Variants in KCNN3 observed in about 807,000 individuals in gnomAD.
KCNN3 encodes the protein small conductance calcium-activated potassium channel protein 3.
Under a neutral mutation model 62.9 loss-of-function variants are expected in KCNN3, and 16 were observed. The ratio of observed to expected loss-of-function variants is 0.25; its 90% CI spans 0.17 to 0.39. The LOEUF (loss-of-function observed/expected upper bound fraction) is 0.39. KCNN3 is among the 10% of genes least tolerant of loss of function. The pLI, the probability that KCNN3 is intolerant of heterozygous loss-of-function variation, is 1.00. For missense variants in KCNN3, 599 were observed against 949.4 expected (o/e 0.63, Z 4.85); for synonymous variants, 370 against 389.2 (o/e 0.95, Z 0.58).
At chr1:154,818,866 C>A (rs904078437) in intron 2 of KCNN3, among the ~76,000 whole-genome samples, 2 of 152,244 alleles carry the variant, frequency 1.3e-5, no homozygotes, top group African/African-American at 2.4e-5. Context: ...CTAAAAGGTA[C>A]TCCCCCAGCC....
At chr1:154,755,906 GAGA>G (rs1477021981) in intron 3 of KCNN3, among the ~76,000 whole-genome samples, 4 of 109,108 alleles carry the variant, frequency 3.7e-5, no homozygotes, top group South Asian at 3.1e-4. Flanking sequence ...GAAGAAGGAG[GAGA>G]AGAAGAAGAG....
At chr1:154,840,471 G>T (rs986747224) in intron 1 of KCNN3, among the ~76,000 whole-genome samples, 1 of 152,146 alleles carries the variant, frequency 6.6e-6, no homozygotes, top group African/African-American at 2.4e-5. Context: ...TCCTGCGAAG[G>T]CTTCCGTGTC....
chr1:154,797,754 T>C (rs996009659), intron 2 of KCNN3, among the ~76,000 whole-genome samples: 1 of 152,222 alleles, frequency 6.6e-6, no homozygotes, highest in Non-Finnish European at 1.5e-5. Flanking sequence ...ATATAGCAGA[T>C]GCTGGAGGAA....
intron 1 of KCNN3, among the ~76,000 whole-genome samples, chr1:154,830,811 A>G (rs1452382363): frequency 6.6e-6 from 1 of 152,176 alleles, no homozygotes; most frequent in Admixed American, 6.5e-5. Flanking sequence ...GATCCTCCCC[A>G]GGCCCTGGCT....
chr1:154,773,718 A>C (rs959530405), intron 2 of KCNN3, among the ~76,000 whole-genome samples: 1 of 152,242 alleles, frequency 6.6e-6, no homozygotes, highest in Non-Finnish European at 1.5e-5. Context: ...TCCAGCACAC[A>C]GGTGCCAAAT....
At chr1:154,797,247 G>A (rs1484893177) in intron 2 of KCNN3, among the ~76,000 whole-genome samples, 2 of 152,148 alleles carry the variant, frequency 1.3e-5, no homozygotes, top group African/African-American at 4.8e-5. Context: ...GTAGTAGGTT[G>A]TCCTAATTTC....
chr1:154,799,136 C>T (rs1287807638), intron 2 of KCNN3, among the ~76,000 whole-genome samples: 4 of 152,070 alleles, frequency 2.6e-5, no homozygotes, highest in Admixed American at 6.6e-5. Flanking sequence ...AGGCTGGTCT[C>T]GAACTCCTGA....
At chr1:154,785,674 C>G (rs1649252225) in intron 2 of KCNN3, among the ~76,000 whole-genome samples, 1 of 147,124 alleles carries the variant, frequency 6.8e-6, no homozygotes, top group Non-Finnish European at 1.5e-5. Flanking sequence ...CCTCTGCCTC[C>G]TGGGTTCAAG....
At chr1:154,816,251 T>C (rs969426012) in intron 2 of KCNN3, among the ~76,000 whole-genome samples, 1 of 152,236 alleles carries the variant, frequency 6.6e-6, no homozygotes, top group Non-Finnish European at 1.5e-5. Context: ...ACGCTAGATC[T>C]TGAGGGGATT....
At chr1:154,800,406 T>A (rs1649905031) in intron 2 of KCNN3, among the ~76,000 whole-genome samples, 1 of 152,202 alleles carries the variant, frequency 6.6e-6, no homozygotes, top group Non-Finnish European at 1.5e-5. Flanking sequence ...CACAGAGCTG[T>A]TGCTCTACCA....
intron 2 of KCNN3, among the ~76,000 whole-genome samples, chr1:154,810,309 T>C (rs1045385223): frequency 3.9e-5 from 6 of 151,928 alleles, no homozygotes; most frequent in Non-Finnish European, 5.9e-5. Context: ...TAGAGGCAGG[T>C]CTGATCCTGA....
In KCNN3 at chr1:154,703,767, T is replaced by C. The variant is rs1699913007; in HGVS notation, c.*4209A>G. ...TATTTAATGTGCACTAATTACTTTT[T>C]GGTAACTACTGACTGCATTCAAACG... is the stretch of plus-strand genomic sequence containing the variant. On this transcript the variant is annotated 3_prime_UTR_variant, in exon 8 of 8. Coordinates refer to ENST00000271915, the MANE Select transcript of KCNN3 (RefSeq NM_002249.6). 6.6e-6 allele frequency: 1 copy of C among 152,242 alleles called. No individual in the cohort carries two copies. Among genetic ancestry groups the C allele is most frequent in the Admixed American group, 6.5e-5 (1 of 15,294 alleles). 9.4% of individuals were successfully genotyped at this position (152,242 alleles called of 1,614,324 possible).
chr1:154,862,374 C>T lies in KCNN3; in HGVS notation c.933+6658G>A, dbSNP rs951850784. ...AAGATGCTGAGCTCATGTGACTGTC[C>T]CCCGATAAACAGCCACACAGCCAGT... On this transcript the variant is annotated intron_variant, in intron 1 of 7. Coordinates refer to ENST00000271915, the MANE Select transcript of KCNN3 (RefSeq NM_002249.6). This position sits in a 1 kb window ranked among gnomAD's most constrained non-coding sequence, Gnocchi z 4.1. 6.6e-6 allele frequency among the ~76,000 whole-genome samples: 1 copy of T among 152,064 alleles called. No homozygotes were observed. The highest frequency in any genetic ancestry group is 1.5e-5 in the Non-Finnish European group (1 of 68,006).
chr1:154,868,148 T>A (rs879899752), intron 1 of KCNN3: 5 of 985,402 alleles, frequency 5.1e-6, no homozygotes, highest in Admixed American at 6.1e-5. Flanking sequence ...GGGGCTGAGC[T>A]GGGGCGCGGG....
intron 2 of KCNN3, among the ~76,000 whole-genome samples, chr1:154,815,429 C>A (rs1205987219): frequency 6.6e-6 from 1 of 152,204 alleles, no homozygotes; most frequent in African/African-American, 2.4e-5. Context: ...CGCGTGAAAC[C>A]TGCCCAGCCT....
At chr1:154,866,798 G>C (rs1652972439) in intron 1 of KCNN3, among the ~76,000 whole-genome samples, 2 of 152,164 alleles carry the variant, frequency 1.3e-5, no homozygotes, top group African/African-American at 2.4e-5. Flanking sequence ...AGAAATGCGG[G>C]GAGCCAAGCA....
At chr1:154,813,471 C>T (rs531553891) in intron 2 of KCNN3, among the ~76,000 whole-genome samples, 10 of 151,980 alleles carry the variant, frequency 6.6e-5, no homozygotes, top group Non-Finnish European at 1.0e-4. Context: ...GGAGGCCAGG[C>T]GACGCACCGC....
In KCNN3 at chr1:154,708,019, G is replaced by C; in HGVS notation, c.2153C>G (p.Ser718Cys). The C allele has an allele frequency of 4.3e-6, 7 of 1,613,578 alleles. No homozygotes were observed. Among genetic ancestry groups the C allele is most frequent in the Non-Finnish European group, 5.9e-6 (7 of 1,179,714 alleles). ...TGTGTACGGGGTCGGGAAGGAGGTG[G>C]AGCTGACCCCAATGGGGCTATCGGA... is the stretch of plus-strand genomic sequence containing the variant. ...PISDSPIGVSSTSFPTPYTSS... is the reference protein window; with the variant it reads ...PISDSPIGVSCTSFPTPYTSS... Residue 718 changes from serine (S) to cysteine (C), a missense_variant, in exon 8 of 8, where the codon TCC becomes TGC. This residue lies in a region of KCNN3 where 52 missense variants were observed against 53.3 expected (regional missense o/e 0.98). Transcript: ENST00000271915.
rs761997310 is a variant in KCNN3, at chr1:154,870,036, C to T, written c.-72G>A. The T allele has an allele frequency of 1.1e-5, 17 of 1,530,164 alleles. No individual in the cohort carries two copies. The allele number at this position is 1,530,164 out of a possible 1,614,324, so 94.8% of individuals were successfully genotyped here. A position where few individuals can be genotyped will look rare whatever the true frequency, so the allele number is the denominator to read the frequency against. On this transcript the variant is annotated 5_prime_UTR_variant, in exon 1 of 8. The change abolishes the stop of an existing upstream ORF in the 5' untranslated region. Coordinates refer to ENST00000271915, the MANE Select transcript of KCNN3 (RefSeq NM_002249.6). ...GCCACCCTCGCTCCAAAGATGTCCT[C>T]AAAGAAAGCCAGGCATCCAATCTCC...
Sources: allele counts gnomAD v4.1 joint callset (sites outside exome capture counted in the v4.1 genomes callset), GRCh38; gene constraint gnomAD v4.1.1; regional missense constraint gnomAD v4.1.1; non-coding constraint Gnocchi (gnomAD v3.1); transcripts MANE v1.5; gene names NCBI Gene and HGNC (gene_info 2026-07-23, HGNC 2026-07-21).